The following ANKMY1 variants were observed in gnomAD, a reference collection of about 807,000 sequenced individuals.
ANKMY1 encodes the protein ankyrin repeat and MYND domain-containing protein 1.
A neutral mutation model predicts 102.0 loss-of-function variants in ANKMY1; 98 were observed. The observed-to-expected ratio is 0.96, with a 90% confidence interval of 0.82 to 1.14. ANKMY1 has a LOEUF of 1.14. Ranked by LOEUF, ANKMY1 falls within the 50% of genes most tolerant of loss-of-function variation. ANKMY1 has a pLI of 0.00. For missense variants in ANKMY1, 1,330 were observed against 1,347.6 expected (o/e 0.99, Z 0.20); for synonymous variants, 582 against 559.9 (o/e 1.04, Z -0.56).
intron 10 of ANKMY1, 82 bp downstream of exon 10, chr2:240,512,720 A>G (rs2080454170): frequency 1.4e-6 from 2 of 1,467,946 alleles, no homozygotes; most frequent in Non-Finnish European, 9.1e-7. Context: ...CTCGGCAAGC[A>G]CAGGCTAGGC....
At chr2:240,533,990 A>G (rs978107853) in intron 4 of ANKMY1, among the ~76,000 whole-genome samples, 8 of 152,256 alleles carry the variant, frequency 5.3e-5, no homozygotes, top group African/African-American at 1.7e-4. Flanking sequence ...TGAACAATTC[A>G]TAAGTTTTAA....
chr2:240,509,598 G>T (rs2079745524), intron 11 of ANKMY1, 143 bp from the exon 12 acceptor site: 2 of 627,032 alleles, frequency 3.2e-6, no homozygotes, highest in Non-Finnish European at 5.5e-6. Flanking sequence ...CTGACACAAG[G>T]TGTTCAAAAT....
At position 240,524,239 on chromosome 2, in the gene ANKMY1, C is replaced by T. The variant is rs138970889; in HGVS notation, c.1478G>A (p.Arg493His). The change falls in exon 8 of 18, where the codon CGC (arginine) becomes CAC (histidine). Residue 493 changes from arginine (R) to histidine (H), a missense_variant. Coordinates refer to ENST00000401804, the MANE Select transcript of ANKMY1 (RefSeq NM_001282771.3). The part of the protein sequence containing the change: ...RPPPAPLLLP[R>H]VSGSHEGGHF... Reference sequence around the variant, plus strand: ...GCCGCCCTCGTGGCTGCCTGAGACGCGTGGCAGGAGCAGTGGTGCTGGCGG... The same window carrying T: ...GCCGCCCTCGTGGCTGCCTGAGACGTGTGGCAGGAGCAGTGGTGCTGGCGG... 78 of 1,613,736 alleles carry T rather than the reference C, an allele frequency of 4.8e-5. No individual in the cohort carries two copies. The highest frequency in any genetic ancestry group is 1.6e-4 in the Middle Eastern group (1 of 6,084).
At chr2:240,538,934 G>C (rs191047261) in intron 4 of ANKMY1, among the ~76,000 whole-genome samples, 3 of 151,964 alleles carry the variant, frequency 2.0e-5, no homozygotes, top group Non-Finnish European at 2.9e-5. Context: ...TGTCTAGCTA[G>C]AGGATTGTAA....
chr2:240,473,705 T>C, the ANKMY1 span, among the ~76,000 whole-genome samples: 1 of 152,124 alleles, frequency 6.6e-6, no homozygotes, highest in Non-Finnish European at 1.5e-5. Flanking sequence ...TGATGCAAGG[T>C]TCAACATATG....
upstream of ANKMY1, chr2:240,560,979 T>C (rs762702910): frequency 6.5e-7 from 1 of 1,529,894 alleles, no homozygotes; most frequent in Non-Finnish European, 8.7e-7. Context: ...CGGCGGCGCC[T>C]GCCTAGTCTA....
the ANKMY1 span, among the ~76,000 whole-genome samples, chr2:240,469,085 ACACTCATCAG>A: frequency 6.6e-6 from 1 of 152,206 alleles, no homozygotes; most frequent in Non-Finnish European, 1.5e-5. Context: ...GAGCAGCCAG[ACACTCATCAG>A]CGGCTGTAGT....
intron 4 of ANKMY1, among the ~76,000 whole-genome samples, chr2:240,541,495 G>A (rs1044000318): frequency 1.4e-5 from 2 of 142,834 alleles, no homozygotes; most frequent in African/African-American, 5.1e-5. Context: ...TGGCTTTTAT[G>A]TTGTTGCTTT....
rs1199181810 is a variant in ANKMY1, at chr2:240,524,349, A to G, written c.1368T>C (p.Leu456=). The G allele has an allele frequency of 1.2e-6, 2 of 1,606,422 alleles. No homozygotes were observed. The highest frequency in any genetic ancestry group is 1.7e-6 in the Non-Finnish European group (2 of 1,175,364). The change falls in exon 8 of 18, where the codon CTT becomes CTC. Residue 456 remains leucine (L), a synonymous_variant. Coordinates refer to ENST00000401804, the MANE Select transcript of ANKMY1 (RefSeq NM_001282771.3). Reference sequence around the variant, plus strand: ...GGTTTGTGTCCATAAATGATGATGAAAGGATTGGAACAACTGGGAATTTTG... The same window carrying G: ...GGTTTGTGTCCATAAATGATGATGAGAGGATTGGAACAACTGGGAATTTTG... The part of the protein sequence containing the change: ...EPPKFPVVPI[L]SSSFMDTNLE...
chr2:240,551,197 A>G (rs2091462536), intron 4 of ANKMY1, among the ~76,000 whole-genome samples: 1 of 149,172 alleles, frequency 6.7e-6, no homozygotes, highest in African/African-American at 2.5e-5. Context: ...TTTGTCTTTC[A>G]GAGTCAGGAT....
chr2:240,478,724 A>C (rs1217288844), downstream of ANKMY1, among the ~76,000 whole-genome samples: 1 of 74,644 alleles, frequency 1.3e-5, no homozygotes, highest in Non-Finnish European at 2.6e-5. Flanking sequence ...AGACCAGGAA[A>C]GTCAGTAAAA....
intron 4 of ANKMY1, among the ~76,000 whole-genome samples, chr2:240,551,789 G>T (rs956981288): frequency 1.3e-4 from 20 of 152,110 alleles, no homozygotes; most frequent in Admixed American, 3.9e-4. Context: ...AAACAAAAAG[G>T]GGGGACTGAA....
intron 8 of ANKMY1, among the ~76,000 whole-genome samples, chr2:240,521,136 G>C (rs370877968): frequency 6.6e-6 from 1 of 152,154 alleles, no homozygotes; most frequent in African/African-American, 2.4e-5. Flanking sequence ...TGAGGGAGGA[G>C]GGGACTGGGG....
chr2:240,490,479 G>A (rs2076518016), intron 15 of ANKMY1, among the ~76,000 whole-genome samples: 1 of 151,808 alleles, frequency 6.6e-6, no homozygotes, highest in Non-Finnish European at 1.5e-5. Flanking sequence ...ATCTTCGTTT[G>A]TTTCAATACT....
chr2:240,511,942 G>A lies in ANKMY1; in HGVS notation c.2205C>T (p.Tyr735=). 1 of 1,573,030 alleles carries A rather than the reference G, an allele frequency of 6.4e-7. No individual in the cohort carries two copies. Residue 735 remains tyrosine (Y), a synonymous_variant, in exon 11 of 18, where the codon TAC becomes TAT. Coordinates refer to ENST00000401804, the MANE Select transcript of ANKMY1 (RefSeq NM_001282771.3). Reference sequence around the variant, plus strand: ...CCGGGAGGGCTGTGTCCGTGCTGTAGTAGGCTTGGGGAGGGCCTGGCTCAT... The same window carrying A: ...CCGGGAGGGCTGTGTCCGTGCTGTAATAGGCTTGGGGAGGGCCTGGCTCAT... ...LSNEPGPPQA[Y]YSTDTALPEE...
In ANKMY1 at chr2:240,524,111, T is replaced by G; in HGVS notation, c.1606A>C (p.Ser536Arg). 6.2e-7 allele frequency: 1 copy of G among 1,614,052 alleles called. No homozygotes were observed. The highest frequency in any genetic ancestry group is 1.1e-5 in the South Asian group (1 of 91,090). ...LVKGSLGHVE[S>R]GLEDVLGNTD... is the part of the protein sequence containing the mutation. ...TTTCCCAACACGTCCTCAAGCCCGC[T>G]TTCCACATGGCCAAGGCTGCCCTTC... is the stretch of plus-strand genomic sequence containing the variant. The change falls in exon 8 of 18, where the codon AGC becomes CGC. Residue 536 changes from serine to arginine, a missense_variant. By Grantham distance (110) the Ser-to-Arg change is moderately radical. Transcript: ENST00000401804.
At chr2:240,530,176 C>G (rs1489314751) in intron 4 of ANKMY1, among the ~76,000 whole-genome samples, 2 of 152,214 alleles carry the variant, frequency 1.3e-5, no homozygotes, top group Non-Finnish European at 2.9e-5. Flanking sequence ...CACAAAACAA[C>G]CAGTGAGCGG....
chr2:240,501,803 G>A (rs1028583941), intron 13 of ANKMY1, among the ~76,000 whole-genome samples: 1 of 152,194 alleles, frequency 6.6e-6, no homozygotes, highest in African/African-American at 2.4e-5. Context: ...GGGCATGGGT[G>A]GAGTTTATAC....
chr2:240,486,995 G>A (rs1238639757), intron 15 of ANKMY1, among the ~76,000 whole-genome samples: 5 of 152,074 alleles, frequency 3.3e-5, no homozygotes, highest in African/African-American at 7.2e-5. Flanking sequence ...TAGGGTATTC[G>A]GGTGTCCATC....
Sources: allele counts gnomAD v4.1 joint callset (sites outside exome capture counted in the v4.1 genomes callset), GRCh38; gene constraint gnomAD v4.1.1; transcripts MANE v1.5; gene names NCBI Gene and HGNC (gene_info 2026-07-23, HGNC 2026-07-21).